Variants in CALM2 observed in about 807,000 individuals in gnomAD.
CALM2 encodes the protein calmodulin-2.
A neutral mutation model predicts 19.8 loss-of-function variants in CALM2; 2 were observed. The observed-to-expected ratio is 0.10, with a 90% CI of 0.04 to 0.32. The LOEUF is 0.32. Among genes scored for constraint, CALM2 ranks in the 10% least tolerant of loss-of-function variants. CALM2 has a pLI of 1.00. For synonymous variants in CALM2, 51 were observed against 52.1 expected (o/e 0.98, Z 0.09); for missense variants, 38 against 178.7 (o/e 0.21, Z 4.49).
rs1291609869 is a variant in CALM2 at position 47,162,198 on chromosome 2, A to AC, written c.285+87_285+88insG. The AC allele has an allele frequency of 1.4e-4, 59 of 433,596 alleles. No homozygotes were observed. The African/African-American group carries it at 1.4e-3, about 10-fold the overall frequency. 26.9% of individuals were successfully genotyped at this position (433,596 alleles called of 1,614,324 possible). On this transcript the variant is annotated intron_variant, in intron 4 of 5. Coordinates refer to ENST00000272298, the MANE Select transcript of CALM2 (RefSeq NM_001743.6). ...AAAAAAAAAAAAAAAAAAAAAAAAA[A>AC]AACAACCAAAAAAACACAAGTCTTC... is the stretch of plus-strand genomic sequence containing the variant.
intron 5 of CALM2, 36 bp downstream of exon 5, chr2:47,161,687 A>G (rs1396493824): frequency 1.9e-6 from 3 of 1,578,840 alleles, no homozygotes; most frequent in Middle Eastern, 2.3e-4. Flanking sequence ...CTTAAAAATC[A>G]AAGTGAAGAA....
chr2:47,166,495 ATAAG>A (rs1349553728), intron 2 of CALM2, among the ~76,000 whole-genome samples: 12 of 152,224 alleles, frequency 7.9e-5, no homozygotes. Flanking sequence ...GTTTGCTAGA[ATAAG>A]TAAAATGCAG....
intron 2 of CALM2, among the ~76,000 whole-genome samples, chr2:47,166,577 T>G (rs1270607023): frequency 6.6e-6 from 1 of 152,184 alleles, no homozygotes; most frequent in East Asian, 1.9e-4. Context: ...TAACATTTCT[T>G]TTAAAGGTCA....
intron 1 of CALM2, chr2:47,172,747 A>G (rs1666713591): frequency 5.0e-6 from 1 of 199,336 alleles, no homozygotes; most frequent in Admixed American, 7.3e-5. Flanking sequence ...CCTGTGTGAA[A>G]GTTGAAGGAT....
upstream of CALM2, chr2:47,176,722 C>T (rs1666886672): frequency 5.1e-6 from 7 of 1,383,546 alleles, no homozygotes; most frequent in African/African-American, 1.5e-5. Context: ...GTTTCATTTC[C>T]AGCGAGCCGT....
At chr2:47,176,521 C>G, upstream of CALM2, 1 of 1,596,496 alleles carries the variant, frequency 6.3e-7, no homozygotes, top group East Asian at 2.3e-5. Flanking sequence ...TAATTCGCCT[C>G]CTCCGCCCCC....
At chr2:47,175,778 C>A (rs965366533) in intron 1 of CALM2, among the ~76,000 whole-genome samples, 7 of 150,008 alleles carry the variant, frequency 4.7e-5, no homozygotes. Flanking sequence ...CGAGCGGGGC[C>A]GAGCGGGGCG....
intron 2 of CALM2, among the ~76,000 whole-genome samples, chr2:47,164,317 CGT>C (rs1363069538): frequency 2.1e-5 from 3 of 140,466 alleles, no homozygotes; most frequent in African/African-American, 2.6e-5. Flanking sequence ...GGTGTGGCGG[CGT>C]GTGCCTGTAG....
At chr2:47,176,620 C>A (rs1372726726), upstream of CALM2, 1 of 1,517,862 alleles carries the variant, frequency 6.6e-7, no homozygotes, top group Non-Finnish European at 8.8e-7. Flanking sequence ...AACCCCCTCC[C>A]CTCAAACTCT....
intron 1 of CALM2, chr2:47,174,090 A>AT (rs1666766447): frequency 6.6e-6 from 1 of 152,190 alleles, no homozygotes; most frequent in South Asian, 2.1e-4. Flanking sequence ...AAAATTTTCT[A>AT]CCTTTTTACA....
intron 1 of CALM2, 39 bp from the exon 2 acceptor site, chr2:47,170,803 GTA>G: frequency 6.4e-7 from 1 of 1,564,342 alleles, no homozygotes; most frequent in Non-Finnish European, 8.8e-7. Flanking sequence ...TGACTTGAGA[GTA>G]TGTAGATTAG....
intron 2 of CALM2, among the ~76,000 whole-genome samples, chr2:47,166,556 A>T (rs749699600): frequency 6.6e-6 from 1 of 152,334 alleles, no homozygotes; most frequent in Non-Finnish European, 1.5e-5. Flanking sequence ...TTCATTCAAG[A>T]AAGGAACAAA....
intron 2 of CALM2, among the ~76,000 whole-genome samples, chr2:47,166,471 A>G (rs369371921): frequency 8.5e-5 from 13 of 152,242 alleles, no homozygotes; most frequent in Admixed American, 2.6e-4. Flanking sequence ...TAAAAATCTA[A>G]TAACACTTAA....
intron 2 of CALM2, among the ~76,000 whole-genome samples, chr2:47,164,286 AACAC>A (rs202205834): frequency 7.1e-6 from 1 of 139,970 alleles, no homozygotes; most frequent in Non-Finnish European, 1.6e-5. Context: ...TCTCTACTAA[AACAC>A]ACACACACAC....
chr2:47,168,494 T>C (rs948292784), intron 2 of CALM2, among the ~76,000 whole-genome samples: 4 of 152,126 alleles, frequency 2.6e-5, no homozygotes, highest in Admixed American at 6.5e-5. Flanking sequence ...ATCCCAGCAC[T>C]TTAGGAGGCT....
chr2:47,167,809 C>CTTTTGTTTTTT (rs1400752450), intron 2 of CALM2: 1 of 18,242 alleles, frequency 5.5e-5, no homozygotes, highest in Non-Finnish European at 1.0e-4. Flanking sequence ...ATTTTTTTTT[C>CTTTTGTTTTTT]TTTTCTTTGA....
intron 1 of CALM2, chr2:47,171,152 C>A: frequency 6.0e-6 from 1 of 165,876 alleles, no homozygotes; most frequent in Non-Finnish European, 1.3e-5. Context: ...TGGTTAAACA[C>A]ATTGTTTTGA....
intron 2 of CALM2, among the ~76,000 whole-genome samples, chr2:47,164,437 A>T (rs1229001049): frequency 8.1e-6 from 1 of 122,724 alleles, no homozygotes; most frequent in Admixed American, 7.4e-5. Flanking sequence ...ATTAAAACAC[A>T]AACACACACA....
chr2:47,160,916 T>C lies in CALM2; in HGVS notation c.422-112A>G, dbSNP rs538731955. 1.6e-4 allele frequency: 102 copies of C among 625,646 alleles called. 2 individuals carry two copies. In the Admixed American group the frequency reaches 3.3e-3, roughly 20 times the overall value. The allele number at this position is 625,646 out of a possible 1,614,324, so 38.8% of individuals were successfully genotyped here. On this transcript the variant is annotated intron_variant, in intron 5 of 5. Transcript: ENST00000272298. ...ACTGAGTACTCTTTCCATTCCTCTC[T>C]TTCCTCAGAATTACCATTAAGTACA...
Sources: allele counts gnomAD v4.1 joint callset (sites outside exome capture counted in the v4.1 genomes callset), GRCh38; gene constraint gnomAD v4.1.1; transcripts MANE v1.5; gene names NCBI Gene and HGNC (gene_info 2026-07-23, HGNC 2026-07-21).